The following PLAT variants were observed in gnomAD, a reference collection of about 807,000 sequenced individuals.
PLAT encodes tissue-type plasminogen activator.
A neutral mutation model predicts 74.9 loss-of-function variants in PLAT; 48 were observed. The observed-to-expected ratio is 0.64, with a 90% CI of 0.51 to 0.82. PLAT has a LOEUF of 0.82. Ranked by LOEUF, PLAT falls within the 40% of genes least tolerant of loss-of-function variation. The probability of loss-of-function intolerance (pLI) is 0.00; values close to 1 mark genes in which losing one functional copy is unlikely to be tolerated. For missense variants in PLAT, 673 were observed against 736.2 expected (o/e 0.91, Z 0.99); for synonymous variants, 307 against 294.4 (o/e 1.04, Z -0.44).
In PLAT at chr8:42,180,321, G is replaced by A. The variant is rs775983939; in HGVS notation, c.1143C>T (p.Gly381=). Residue 381 remains glycine (G), a synonymous_variant, in exon 11 of 14, where the codon GGC becomes GGT. Coordinates refer to ENST00000220809, the MANE Select transcript of PLAT (RefSeq NM_000930.5). ...CGACTTCAAATTTCTGCTCCTCCTC[G>A]CCAGGGACCACCCGGTATGTTCTGC... The part of the protein sequence containing the change: ...ILGRTYRVVP[G]EEEQKFEVEK... 3 of 1,614,044 alleles carry A rather than the reference G, an allele frequency of 1.9e-6. No homozygotes were observed. The highest frequency in any genetic ancestry group is 2.2e-5 in the South Asian group (2 of 91,090).
At position 42,175,250 on chromosome 8, in the gene PLAT, A is replaced by G. The variant is rs1363316100; in HGVS notation, c.*743T>C. 1 of 152,268 alleles carries G rather than the reference A, an allele frequency of 6.6e-6. No individual in the cohort carries two copies. The highest frequency in any genetic ancestry group is 1.5e-5 in the Non-Finnish European group (1 of 68,050). The allele number at this position is 152,268 out of a possible 1,614,324, so 9.4% of individuals were successfully genotyped here. A position where few individuals can be genotyped will look rare whatever the true frequency, so the allele number is the denominator to read the frequency against. On this transcript the variant is annotated 3_prime_UTR_variant, in exon 14 of 14. Coordinates refer to ENST00000220809, the MANE Select transcript of PLAT (RefSeq NM_000930.5). Reference sequence around the variant, plus strand: ...CACTCTGATTTTGGAAAAACTGTGAAAAATATATCTGAATTTATTAAGTAC... The same window carrying G: ...CACTCTGATTTTGGAAAAACTGTGAGAAATATATCTGAATTTATTAAGTAC...
In PLAT at chr8:42,197,643, G is replaced by T. The variant is rs576984956; in HGVS notation, c.-26-4432C>A. On this transcript the variant is annotated intron_variant, in intron 1 of 13. Coordinates refer to ENST00000220809, the MANE Select transcript of PLAT (RefSeq NM_000930.5). ...CTGGATTGGGCACAGCCCCTGGAAA[G>T]GAGGAGGCCAGCTGGAGGAGGGACA... Among the ~76,000 whole-genome samples, 5 of 152,306 alleles carry T rather than the reference G, an allele frequency of 3.3e-5. No homozygotes were observed. The East Asian group carries it at 9.7e-4, about 29-fold the overall frequency.
At chr8:42,184,046 TCCTC>T (rs1476993785) in intron 7 of PLAT, among the ~76,000 whole-genome samples, 2 of 151,838 alleles carry the variant, frequency 1.3e-5, no homozygotes, top group African/African-American at 2.4e-5. Context: ...GCTCAAGCGA[TCCTC>T]CCACCTGAGC....
At chr8:42,205,555 CTAAGGCA>C (rs1442469116) in intron 1 of PLAT, among the ~76,000 whole-genome samples, 1 of 152,088 alleles carries the variant, frequency 6.6e-6, no homozygotes, top group Non-Finnish European at 1.5e-5. Flanking sequence ...ACTGAGCCAA[CTAAGGCA>C]TAAGTGACTC....
At chr8:42,188,638 T>G (rs948790366) in intron 4 of PLAT, 4 of 321,568 alleles carry the variant, frequency 1.2e-5, no homozygotes, top group African/African-American at 8.4e-5. Flanking sequence ...TGTGTTGTTT[T>G]GTTTTGTTTT....
intron 11 of PLAT, 47 bp from the exon 12 acceptor site, chr8:42,180,113 CGGGAG>C (rs768242704): frequency 3.1e-6 from 5 of 1,588,034 alleles, no homozygotes; most frequent in Non-Finnish European, 4.3e-6. Context: ...GCCGCGTCCC[CGGGAG>C]GGGAGGAACA....
Position 42,190,743 on chromosome 8 carries a change from A to T in PLAT, c.115+629T>A, listed in dbSNP as rs138698788. ...AGGGAAATCGAGGGCCTAAGTTGGTAGTTTTGGACCTGAAGCTGGGCCTCG... is the reference window on the plus strand; with the variant it reads ...AGGGAAATCGAGGGCCTAAGTTGGTTGTTTTGGACCTGAAGCTGGGCCTCG... On this transcript the variant is annotated intron_variant, in intron 3 of 13. Coordinates refer to ENST00000220809, the MANE Select transcript of PLAT (RefSeq NM_000930.5). Among the ~76,000 whole-genome samples, 17 of 152,280 alleles carry T rather than the reference A, an allele frequency of 1.1e-4. No individual in the cohort carries two copies. The East Asian group carries it at 3.3e-3, about 29-fold the overall frequency.
chr8:42,196,796 T>G (rs1786759629), intron 1 of PLAT, among the ~76,000 whole-genome samples: 1 of 151,810 alleles, frequency 6.6e-6, no homozygotes, highest in Non-Finnish European at 1.5e-5. Context: ...TATCTCCCTT[T>G]TGCTATATTT....
intron 1 of PLAT, among the ~76,000 whole-genome samples, chr8:42,203,739 A>ACTT (rs1806219244): frequency 6.6e-6 from 1 of 152,082 alleles, no homozygotes; most frequent in African/African-American, 2.4e-5. Context: ...CCATGGCAAG[A>ACTT]GGGTTGCTTG....
chr8:42,190,813 A>AC (rs1047137965), intron 3 of PLAT, among the ~76,000 whole-genome samples: 1 of 152,116 alleles, frequency 6.6e-6, no homozygotes, highest in African/African-American at 2.4e-5. Context: ...GGACTTAGAG[A>AC]CCCCACCATG....
At chr8:42,200,896 C>T (rs1806105101) in intron 1 of PLAT, among the ~76,000 whole-genome samples, 1 of 151,934 alleles carries the variant, frequency 6.6e-6, no homozygotes, top group East Asian at 1.9e-4. Flanking sequence ...ACGGTGCAAT[C>T]TCAGCTCACT....
intron 6 of PLAT, chr8:42,187,016 C>A (rs940823148): frequency 1.7e-5 from 2 of 119,650 alleles, no homozygotes; most frequent in Non-Finnish European, 3.6e-5. Context: ...TATCATCTAC[C>A]ACCTATCATC....
chr8:42,188,396 T>C, intron 4 of PLAT: 1 of 185,336 alleles, frequency 5.4e-6, no homozygotes, highest in South Asian at 1.6e-4. Flanking sequence ...CCCACCTCTT[T>C]ATAGATGAGG....
At chr8:42,184,238 G>C (rs1039754442) in intron 7 of PLAT, among the ~76,000 whole-genome samples, 2 of 151,860 alleles carry the variant, frequency 1.3e-5, no homozygotes, top group African/African-American at 4.8e-5. Context: ...ACTGCACCTG[G>C]CCCTATATAT....
rs755088165 is a variant in PLAT, at chr8:42,180,287, T to A, written c.1177A>T (p.Ile393Phe). ...TCATCATCGAATTCCTTATGGACAA[T>A]GTATTTTTCGACTTCAAATTTCTGC... Reference protein sequence around the residue: ...EEQKFEVEKYIVHKEFDDDTY... With the variant: ...EEQKFEVEKYFVHKEFDDDTY... The change falls in exon 11 of 14, where the codon ATT becomes TTT. Residue 393 changes from isoleucine to phenylalanine, a missense_variant. Coordinates refer to ENST00000220809, the MANE Select transcript of PLAT (RefSeq NM_000930.5). The A allele has an allele frequency of 6.2e-7, 1 of 1,614,196 alleles. No homozygotes were observed. The highest frequency in any genetic ancestry group is 1.1e-5 in the South Asian group (1 of 91,090).
Position 42,180,005 on chromosome 8 carries a change from A to G in PLAT, c.1284T>C (p.Thr428=), listed in dbSNP as rs1056824498. ...GCAGGTCCGCCGGGGGAAGGCACAC[A>G]GTGCGGACCACGCTGCTCTCCTGGG... is the stretch of plus-strand genomic sequence containing the variant. ...RCAQESSVVR[T]VCLPPADLQL... Residue 428 remains threonine (T), a synonymous_variant, in exon 12 of 14, where the codon ACT becomes ACC. Coordinates refer to ENST00000220809, the MANE Select transcript of PLAT (RefSeq NM_000930.5). The G allele has an allele frequency of 5.0e-6, 8 of 1,609,766 alleles. No homozygotes were observed. The highest frequency in any genetic ancestry group is 1.1e-5 in the South Asian group (1 of 90,538).
At chr8:42,192,148 T>G (rs1805713227) in intron 2 of PLAT, among the ~76,000 whole-genome samples, 1 of 151,710 alleles carries the variant, frequency 6.6e-6, no homozygotes, top group Non-Finnish European at 1.5e-5. Flanking sequence ...GGACCACAGG[T>G]GCATACTAGT....
intron 1 of PLAT, among the ~76,000 whole-genome samples, chr8:42,201,075 C>A (rs7843406): frequency 0.013 from 1,920 of 152,316 alleles, 42 homozygotes; most frequent in African/African-American, 0.042. Flanking sequence ...GGTGATCTGT[C>A]CACCTTGGCC....
intron 1 of PLAT, among the ~76,000 whole-genome samples, chr8:42,202,651 A>T (rs1478913766): frequency 6.6e-6 from 1 of 152,230 alleles, no homozygotes; most frequent in Non-Finnish European, 1.5e-5. Flanking sequence ...GCAAAGACAC[A>T]GCTCTTATCC....
Sources: gnomAD v4.1 joint callset for allele counts (sites outside exome capture counted in the v4.1 genomes callset) on GRCh38, gnomAD v4.1.1 for gene constraint, MANE v1.5 for transcripts, NCBI Gene and HGNC (gene_info 2026-07-23, HGNC 2026-07-21) for gene names.